TNR: variants seen among roughly 807,000 people sequenced by gnomAD.
TNR encodes the protein tenascin R.
A neutral mutation model predicts 150.4 loss-of-function variants in TNR; 45 were observed. The ratio of observed to expected loss-of-function variants is 0.30; its 90% CI spans 0.24 to 0.38. The LOEUF is 0.38. Ranked by LOEUF, TNR falls within the 10% of genes least tolerant of loss-of-function variation. TNR has a pLI of 1.00. For synonymous variants in TNR, 687 were observed against 678.4 expected (o/e 1.01, Z -0.20); for missense variants, 1,544 against 1,759.1 (o/e 0.88, Z 2.19).
rs185905942 is a variant in TNR at position 175,436,430 on chromosome 1, C to T, written c.-63-29653G>A. ...TACCCTTTCTTCCAGTTAATCGAAT[C>T]GGCTACTGAGGCTTGTGCATTTGTC... On this transcript the variant is annotated intron_variant, in intron 2 of 22. Coordinates refer to ENST00000367674, the MANE Select transcript of TNR (RefSeq NM_003285.3). Among the ~76,000 whole-genome samples the T allele has an allele frequency of 2.7e-3, 417 of 152,266 alleles. 6 individuals carry two copies. In the South Asian group the frequency reaches 0.041, roughly 15 times the overall value.
At chr1:175,677,978 A>G (rs1665915026) in intron 1 of TNR, among the ~76,000 whole-genome samples, 1 of 152,136 alleles carries the variant, frequency 6.6e-6, no homozygotes, top group African/African-American at 2.4e-5. Context: ...TCCCACCGAG[A>G]AGTGCATTAG....
At chr1:175,463,016 C>A (rs1425498613) in intron 2 of TNR, among the ~76,000 whole-genome samples, 1 of 152,158 alleles carries the variant, frequency 6.6e-6, no homozygotes, top group Non-Finnish European at 1.5e-5. Flanking sequence ...TTGTGTTGTG[C>A]TTTTATTAGA....
chr1:175,363,992 C>G (rs891178266), intron 12 of TNR, among the ~76,000 whole-genome samples, 165 bp from the exon 13 acceptor site: 1 of 152,220 alleles, frequency 6.6e-6, no homozygotes, highest in Non-Finnish European at 1.5e-5. Flanking sequence ...TGATGTTTCA[C>G]TTGAAACCTT....
At chr1:175,450,251 G>C (rs979494469) in intron 2 of TNR, among the ~76,000 whole-genome samples, 2 of 152,126 alleles carry the variant, frequency 1.3e-5, no homozygotes, top group African/African-American at 4.8e-5. Flanking sequence ...ATGGTCTCTG[G>C]ATTCAGCAGG....
rs1662663122 is a variant in TNR at position 175,588,375 on chromosome 1, G to C, written c.-164-60006C>G. Among the ~76,000 whole-genome samples, 7 of 152,280 alleles carry C rather than the reference G, an allele frequency of 4.6e-5. No homozygotes were observed. In the South Asian group the frequency reaches 1.5e-3, roughly 32 times the overall value. On this transcript the variant is annotated intron_variant, in intron 1 of 22. Coordinates refer to ENST00000367674, the MANE Select transcript of TNR (RefSeq NM_003285.3). ...TTCTGCATGTGTCTTTACACCTTGG[G>C]CCTTCCTAGCCCATGGGGTTAAGTG...
intron 1 of TNR, among the ~76,000 whole-genome samples, chr1:175,643,042 A>G (rs1483294306): frequency 1.3e-5 from 2 of 152,346 alleles, no homozygotes; most frequent in African/African-American, 4.8e-5. Flanking sequence ...GAGAATCACT[A>G]GAGAAACGTT....
intron 1 of TNR, among the ~76,000 whole-genome samples, chr1:175,617,986 T>C (rs540852152): frequency 6.6e-6 from 1 of 152,348 alleles, no homozygotes; most frequent in African/African-American, 2.4e-5. Flanking sequence ...GACTTCAAAC[T>C]TGACTTCCTG....
chr1:175,362,900 G>T lies in TNR; in HGVS notation c.2708-91C>A. 6.0e-6 allele frequency: 9 copies of T among 1,499,696 alleles called. No individual in the cohort carries two copies. In the South Asian group the frequency reaches 9.7e-5, roughly 16 times the overall value. 92.9% of individuals were successfully genotyped at this position (1,499,696 alleles called of 1,614,324 possible). On this transcript the variant is annotated intron_variant, in intron 13 of 22. Coordinates refer to ENST00000367674, the MANE Select transcript of TNR (RefSeq NM_003285.3). Reference sequence around the variant, plus strand: ...GTCTATGTCAATAAAGCACAGATGGGTGTGGGACTCCGCACTCAGTGGGGA... The same window carrying T: ...GTCTATGTCAATAAAGCACAGATGGTTGTGGGACTCCGCACTCAGTGGGGA...
At chr1:175,539,675 G>T (rs1557994659) in intron 1 of TNR, among the ~76,000 whole-genome samples, 1 of 152,170 alleles carries the variant, frequency 6.6e-6, no homozygotes. Flanking sequence ...CCGGGAATGT[G>T]CCAGAATCAA....
chr1:175,414,405 C>CA (rs1049879216), intron 2 of TNR, among the ~76,000 whole-genome samples: 11 of 152,206 alleles, frequency 7.2e-5, no homozygotes, highest in Non-Finnish European at 1.3e-4. Flanking sequence ...ATAATACACC[C>CA]AAGGCTCAAC....
At chr1:175,708,009 T>C (rs1666886228) in intron 1 of TNR, among the ~76,000 whole-genome samples, 1 of 108,934 alleles carries the variant, frequency 9.2e-6, no homozygotes, top group Admixed American at 1.2e-4. Flanking sequence ...CAAAGAGCCA[T>C]GTGTGTGTTT....
At chr1:175,552,804 C>T (rs544603594) in intron 1 of TNR, among the ~76,000 whole-genome samples, 1 of 152,324 alleles carries the variant, frequency 6.6e-6, no homozygotes, top group South Asian at 2.1e-4. Context: ...CTTTTTGGAT[C>T]CTATTCCTGC....
intron 1 of TNR, among the ~76,000 whole-genome samples, chr1:175,662,862 T>A (rs895677474): frequency 1.3e-5 from 2 of 152,096 alleles, no homozygotes; most frequent in Non-Finnish European, 2.9e-5. Context: ...GTCTACAGAG[T>A]GAACACTTAT....
chr1:175,547,165 G>A (rs191809336), intron 1 of TNR, among the ~76,000 whole-genome samples: 2 of 152,286 alleles, frequency 1.3e-5, no homozygotes, highest in East Asian at 1.9e-4. Flanking sequence ...GCAAGCCTGC[G>A]TAGCAGATTC....
chr1:175,688,131 T>C (rs891697239), intron 1 of TNR, among the ~76,000 whole-genome samples: 5 of 152,326 alleles, frequency 3.3e-5, no homozygotes, highest in Middle Eastern at 3.4e-3. Flanking sequence ...GACATTTCAA[T>C]AACTAGGGCC....
chr1:175,637,391 C>T (rs758077317), intron 1 of TNR, among the ~76,000 whole-genome samples: 1 of 152,162 alleles, frequency 6.6e-6, no homozygotes, highest in Admixed American at 6.5e-5. Flanking sequence ...CATTTTTAAG[C>T]CATTTAGTTT....
intron 2 of TNR, among the ~76,000 whole-genome samples, chr1:175,509,597 T>C (rs1659087347): frequency 1.3e-5 from 2 of 152,198 alleles, no homozygotes; most frequent in African/African-American, 4.8e-5. Context: ...CCCCTGATGC[T>C]TGACACTAGT....
intron 1 of TNR, among the ~76,000 whole-genome samples, chr1:175,547,642 A>G (rs1390349869): frequency 2.1e-5 from 3 of 144,070 alleles, no homozygotes; most frequent in African/African-American, 8.5e-5. Flanking sequence ...AGAAAGAGAA[A>G]GAAAGAAAGG....
rs962248917 is a variant in TNR at position 175,520,357 on chromosome 1, G to A, written c.-64+7912C>T. Among the ~76,000 whole-genome samples, 6 of 152,278 alleles carry A rather than the reference G, an allele frequency of 3.9e-5. No individual in the cohort carries two copies. The South Asian group carries it at 8.3e-4, about 21-fold the overall frequency. ...CAGCAGAGAAGCGTGGCACTCCCTT[G>A]GCCCATGGCCACCGTTGTTCTGCAC... On this transcript the variant is annotated intron_variant, in intron 2 of 22. Transcript: ENST00000367674.
Sources: allele counts gnomAD v4.1 joint callset (sites outside exome capture counted in the v4.1 genomes callset), GRCh38; gene constraint gnomAD v4.1.1; transcripts MANE v1.5; gene names NCBI Gene and HGNC (gene_info 2026-07-23, HGNC 2026-07-21).